Variants in FAM135A observed in about 807,000 individuals in gnomAD.
FAM135A encodes family with sequence similarity 135 member A, also known as protein FAM135A.
A neutral mutation model predicts 146.8 loss-of-function variants in FAM135A; 79 were observed. That is an observed-to-expected ratio of 0.54 (90% confidence interval 0.45 to 0.65). The LOEUF is 0.65. Ranked by LOEUF, FAM135A falls within the 30% of genes least tolerant of loss-of-function variation. The probability of loss-of-function intolerance (pLI) is 0.00; values close to 1 mark genes in which losing one functional copy is unlikely to be tolerated. For synonymous variants in FAM135A, 562 were observed against 603.6 expected (o/e 0.93, Z 1.01); for missense variants, 1,623 against 1,758.2 (o/e 0.92, Z 1.38).
In FAM135A at chr6:70,475,403, G is replaced by A; in HGVS notation, c.158-7G>A. 1.9e-6 allele frequency: 3 copies of A among 1,564,342 alleles called. No homozygotes were observed. Among genetic ancestry groups the A allele is most frequent in the Non-Finnish European group, 2.6e-6 (3 of 1,156,702 alleles). ...TATCTGTCAATTACATATCTTATCT[G>A]TTTTAGGTATGACTTTAGCCTTTCC... On this transcript the variant is annotated splice_polypyrimidine_tract_variant and splice_region_variant and intron_variant, in intron 5 of 21. Transcript: ENST00000418814.
At chr6:70,443,533 AT>A (rs1427702599) in intron 4 of FAM135A, among the ~76,000 whole-genome samples, 1 of 152,246 alleles carries the variant, frequency 6.6e-6, no homozygotes, top group Non-Finnish European at 1.5e-5. Flanking sequence ...GGCGAAATCA[AT>A]CTAAGGATGC....
intron 2 of FAM135A, among the ~76,000 whole-genome samples, chr6:70,415,985 G>C (rs1428533210): frequency 1.3e-5 from 2 of 152,116 alleles, no homozygotes; most frequent in Non-Finnish European, 2.9e-5. Context: ...ATTTTAGACT[G>C]TGTAGTAAGA....
intron 5 of FAM135A, among the ~76,000 whole-genome samples, chr6:70,474,666 ATTAAG>A (rs1782270225): frequency 6.6e-6 from 1 of 152,198 alleles, no homozygotes; most frequent in African/African-American, 2.4e-5. Context: ...TTTTCTCCCC[ATTAAG>A]TAAGGACGCA....
intron 20 of FAM135A, among the ~76,000 whole-genome samples, chr6:70,541,164 AATAG>A (rs1797847496): frequency 6.6e-6 from 1 of 152,214 alleles, no homozygotes; most frequent in Non-Finnish European, 1.5e-5. Context: ...TTAATCCTTT[AATAG>A]ATAAAGTTAT....
intron 15 of FAM135A, 42 bp from the exon 16 acceptor site, chr6:70,528,250 A>T (rs377304421): frequency 6.4e-7 from 1 of 1,554,644 alleles, no homozygotes; most frequent in Non-Finnish European, 8.7e-7. Flanking sequence ...TAACAACTGA[A>T]TATGATCCTT....
chr6:70,508,481 T>C (rs1271294107), intron 12 of FAM135A, among the ~76,000 whole-genome samples: 1 of 152,188 alleles, frequency 6.6e-6, no homozygotes, highest in Non-Finnish European at 1.5e-5. Flanking sequence ...AGAGATGCCA[T>C]ATTTAATATT....
At chr6:70,503,041 A>G (rs748812578) in intron 12 of FAM135A, 3 of 279,220 alleles carry the variant, frequency 1.1e-5, no homozygotes, top group Non-Finnish European at 1.4e-5. Flanking sequence ...ATAGGAAAAT[A>G]TATGATACAG....
chr6:70,512,870 A>T (rs1306443466), intron 12 of FAM135A, among the ~76,000 whole-genome samples: 1 of 151,762 alleles, frequency 6.6e-6, no homozygotes, highest in Non-Finnish European at 1.5e-5. Flanking sequence ...CATGAAAAAT[A>T]TTATTCTGTA....
chr6:70,466,190 G>A (rs918173951), intron 5 of FAM135A, among the ~76,000 whole-genome samples: 7 of 151,996 alleles, frequency 4.6e-5, no homozygotes, highest in African/African-American at 1.2e-4. Context: ...ATTTTTTGAC[G>A]ATTACATAAC....
intron 12 of FAM135A, among the ~76,000 whole-genome samples, chr6:70,512,059 C>T (rs546813087): frequency 3.3e-5 from 5 of 151,948 alleles, no homozygotes; most frequent in Non-Finnish European, 5.9e-5. Flanking sequence ...GAAAACTACT[C>T]AATACTTCAA....
At chr6:70,516,683 C>T (rs987050131) in intron 12 of FAM135A, among the ~76,000 whole-genome samples, 2 of 151,622 alleles carry the variant, frequency 1.3e-5, no homozygotes, top group Admixed American at 6.6e-5. Flanking sequence ...TACAGGCACT[C>T]GCCACCATGC....
chr6:70,538,262 ATACT>A lies in FAM135A; in HGVS notation c.4118-27_4118-24del, dbSNP rs150757037. 9.8e-4 allele frequency: 1,207 copies of A among 1,235,960 alleles called. 9 individuals are homozygous for A. In the African/African-American group the frequency reaches 0.016, roughly 16 times the overall value. 76.6% of individuals were successfully genotyped at this position (1,235,960 alleles called of 1,614,324 possible). On this transcript the variant is annotated intron_variant, in intron 19 of 21. Transcript: ENST00000418814. ...CATATGTTTTTATATATTTCATTTC[ATACT>A]TCTATATCATATATGACTCTCTAGG...
intron 16 of FAM135A, among the ~76,000 whole-genome samples, chr6:70,530,892 C>T (rs1795674751): frequency 6.6e-6 from 1 of 152,210 alleles, no homozygotes; most frequent in African/African-American, 2.4e-5. Flanking sequence ...TAGTAAATTT[C>T]CAAGAACTGA....
At chr6:70,553,627 C>T (rs1474716115) in intron 20 of FAM135A, among the ~76,000 whole-genome samples, 1 of 152,100 alleles carries the variant, frequency 6.6e-6, no homozygotes, top group Non-Finnish European at 1.5e-5. Context: ...CCCTCCCAGA[C>T]ATGTTGCATA....
chr6:70,439,721 G>A (rs1774023703), intron 4 of FAM135A, among the ~76,000 whole-genome samples: 1 of 152,130 alleles, frequency 6.6e-6, no homozygotes, highest in Non-Finnish European at 1.5e-5. Flanking sequence ...AGTGTTTCAG[G>A]TTTATTCTTC....
At chr6:70,491,716 C>T (rs1021620856) in intron 11 of FAM135A, among the ~76,000 whole-genome samples, 2 of 151,842 alleles carry the variant, frequency 1.3e-5, no homozygotes, top group African/African-American at 4.8e-5. Flanking sequence ...TATACATACG[C>T]AGGATACATC....
intron 12 of FAM135A, among the ~76,000 whole-genome samples, chr6:70,507,663 G>A (rs1790089332): frequency 6.6e-6 from 1 of 151,756 alleles, no homozygotes; most frequent in Admixed American, 6.6e-5. Flanking sequence ...CAAATTTTTG[G>A]CAAATTAAGG....
Position 70,443,355 on chromosome 6 carries a change from A to G in FAM135A, c.78-9137A>G, listed in dbSNP as rs150959835. Among the ~76,000 whole-genome samples the G allele has an allele frequency of 1.4e-4, 21 of 152,294 alleles. No individual in the cohort carries two copies. The East Asian group carries it at 3.9e-3, about 28-fold the overall frequency. On this transcript the variant is annotated intron_variant, in intron 4 of 21. Coordinates refer to ENST00000418814, the MANE Select transcript of FAM135A (RefSeq NM_001162529.3). ...CCTAGTGCAATACATTACTTTTTCT[A>G]TGTTTAGATACACAGATACCTATTA...
At chr6:70,446,826 AT>A (rs1274235349) in intron 4 of FAM135A, among the ~76,000 whole-genome samples, 1 of 152,084 alleles carries the variant, frequency 6.6e-6, no homozygotes, top group Non-Finnish European at 1.5e-5. Flanking sequence ...AACCTTGCAA[AT>A]TTTTTTCTAG....
Sources: gnomAD v4.1 joint callset for allele counts (sites outside exome capture counted in the v4.1 genomes callset) on GRCh38, gnomAD v4.1.1 for gene constraint, MANE v1.5 for transcripts, NCBI Gene and HGNC (gene_info 2026-07-23, HGNC 2026-07-21) for gene names.